The following MSRA variants were observed in gnomAD, a reference collection of about 807,000 sequenced individuals.
MSRA encodes methionine sulfoxide reductase A.
In MSRA, 54 loss-of-function variants were observed where a neutral mutation model predicts 31.3. The ratio of observed to expected loss-of-function variants is 1.73; its 90% CI spans 1.39 to 2.17. The LOEUF (loss-of-function observed/expected upper bound fraction) is 2.17, where lower values mean the gene tolerates loss of function less well. Ranked by LOEUF, MSRA falls within the 30% of genes most tolerant of loss-of-function variation. The pLI, the probability that MSRA is intolerant of heterozygous loss-of-function variation, is 0.00. For missense variants in MSRA, 507 were observed against 300.9 expected (o/e 1.69, Z -5.07); for synonymous variants, 169 against 116.5 (o/e 1.45, Z -2.90).
intron 5 of MSRA, among the ~76,000 whole-genome samples, chr8:10,386,708 C>T (rs973318434): frequency 8.5e-5 from 13 of 152,172 alleles, no homozygotes; most frequent in Admixed American, 6.5e-4. Flanking sequence ...CAGGATCACA[C>T]TTTGAAAACC....
intron 1 of MSRA, among the ~76,000 whole-genome samples, chr8:10,063,713 T>C (rs1402349767): frequency 1.3e-5 from 2 of 152,200 alleles, no homozygotes; most frequent in African/African-American, 4.8e-5. Context: ...GAAGGCGCTG[T>C]CCGTGAACCA....
intron 1 of MSRA, among the ~76,000 whole-genome samples, chr8:10,057,366 A>G (rs1011213036): frequency 6.6e-6 from 1 of 152,198 alleles, no homozygotes; most frequent in African/African-American, 2.4e-5. Context: ...GACAAGGGGA[A>G]TTCATACTTG....
At chr8:10,408,433 C>G (rs1236949252) in intron 5 of MSRA, among the ~76,000 whole-genome samples, 2 of 151,930 alleles carry the variant, frequency 1.3e-5, no homozygotes, top group African/African-American at 4.8e-5. Context: ...CCCCAGCTAC[C>G]CAAGAGGCTG....
At chr8:10,106,580 G>A (rs952730594) in intron 1 of MSRA, among the ~76,000 whole-genome samples, 4 of 152,238 alleles carry the variant, frequency 2.6e-5, no homozygotes, top group South Asian at 2.1e-4. Flanking sequence ...CACCACACAC[G>A]TTTCAGGTGA....
intron 4 of MSRA, among the ~76,000 whole-genome samples, chr8:10,310,737 G>A (rs1383858475): frequency 6.6e-6 from 1 of 152,180 alleles, no homozygotes; most frequent in Non-Finnish European, 1.5e-5. Context: ...GGTGGAATTC[G>A]GACTTCAGGG....
At chr8:10,215,536 T>C (rs1432771254) in intron 2 of MSRA, among the ~76,000 whole-genome samples, 1 of 152,164 alleles carries the variant, frequency 6.6e-6, no homozygotes, top group Admixed American at 6.5e-5. Context: ...CTCTATGGGA[T>C]CCATCACCTC....
At chr8:10,321,720 C>G (rs4840478) in intron 5 of MSRA, among the ~76,000 whole-genome samples, 2,079 of 152,204 alleles carry the variant, frequency 0.014, 57 homozygotes, top group African/African-American at 0.047. Context: ...AGCCAGTTGC[C>G]ACGTCATGAA....
chr8:10,373,117 C>T (rs1202327896), intron 5 of MSRA, among the ~76,000 whole-genome samples: 1 of 152,200 alleles, frequency 6.6e-6, no homozygotes, highest in Non-Finnish European at 1.5e-5. Context: ...TCTCAAACTC[C>T]TGACCTCAGG....
chr8:10,243,092 G>T (rs1210272206), intron 2 of MSRA, among the ~76,000 whole-genome samples: 6 of 152,190 alleles, frequency 3.9e-5, no homozygotes, highest in African/African-American at 1.4e-4. Context: ...GGGGCTATTG[G>T]AGTGGGACCA....
intron 1 of MSRA, among the ~76,000 whole-genome samples, chr8:10,100,526 G>A (rs1799464743): frequency 6.6e-6 from 1 of 152,112 alleles, no homozygotes; most frequent in African/African-American, 2.4e-5. Context: ...TGGAGTCTAG[G>A]GGGCTAGGGG....
At chr8:10,157,596 G>A (rs892796910) in intron 1 of MSRA, among the ~76,000 whole-genome samples, 1 of 151,810 alleles carries the variant, frequency 6.6e-6, no homozygotes, top group Non-Finnish European at 1.5e-5. Flanking sequence ...TTTGTAAGGG[G>A]CAATGAAAGT....
At chr8:10,367,542 C>G (rs1195170152) in intron 5 of MSRA, among the ~76,000 whole-genome samples, 3 of 152,196 alleles carry the variant, frequency 2.0e-5, no homozygotes, top group Admixed American at 1.3e-4. Flanking sequence ...AGTCACTGTA[C>G]AAGGCATGCA....
chr8:10,110,459 T>C (rs959861331), intron 1 of MSRA, among the ~76,000 whole-genome samples: 1 of 152,180 alleles, frequency 6.6e-6, no homozygotes, highest in Non-Finnish European at 1.5e-5. Flanking sequence ...TGGCTGGAAG[T>C]GGGGTGCATG....
intron 4 of MSRA, among the ~76,000 whole-genome samples, chr8:10,317,637 A>G (rs989043687): frequency 6.6e-6 from 1 of 152,220 alleles, no homozygotes; most frequent in Non-Finnish European, 1.5e-5. Flanking sequence ...CATTTTAAGC[A>G]CAAGGTGTTG....
In MSRA at chr8:10,093,568, G is replaced by A. The variant is rs185332372; in HGVS notation, c.142+38910G>A. Among the ~76,000 whole-genome samples the A allele has an allele frequency of 2.2e-4, 34 of 151,938 alleles. No individual in the cohort carries two copies. The East Asian group carries it at 6.0e-3, about 27-fold the overall frequency. The stretch of plus-strand genomic sequence containing the variant: ...TTCTATGCTTTTGTCATTTACATCA[G>A]ATAGAAAAAAGAGTACATTTATCCC... On this transcript the variant is annotated intron_variant, in intron 1 of 5. Coordinates refer to ENST00000317173, the MANE Select transcript of MSRA (RefSeq NM_012331.5).
intron 1 of MSRA, among the ~76,000 whole-genome samples, chr8:10,146,591 T>G (rs1483170627): frequency 6.6e-6 from 1 of 152,150 alleles, no homozygotes; most frequent in Non-Finnish European, 1.5e-5. Flanking sequence ...GACAGTGTTC[T>G]GAAATGGAAT....
At chr8:10,074,911 G>A (rs769948086) in intron 1 of MSRA, among the ~76,000 whole-genome samples, 2 of 151,990 alleles carry the variant, frequency 1.3e-5, no homozygotes, top group South Asian at 2.1e-4. Flanking sequence ...TGCCTGTCTC[G>A]GCCTCCCGAA....
chr8:10,163,572 C>G (rs951184038), intron 1 of MSRA, among the ~76,000 whole-genome samples: 5 of 152,216 alleles, frequency 3.3e-5, no homozygotes, highest in African/African-American at 9.7e-5. Context: ...TTCTGCCCCA[C>G]GCTGGAAAGT....
chr8:10,144,564 A>G (rs1802977483), intron 1 of MSRA, among the ~76,000 whole-genome samples: 1 of 152,170 alleles, frequency 6.6e-6, no homozygotes, highest in South Asian at 2.1e-4. Context: ...AGATTATCCA[A>G]ATACCAGTAA....
Sources: gnomAD v4.1 joint callset for allele counts (sites outside exome capture counted in the v4.1 genomes callset) on GRCh38, gnomAD v4.1.1 for gene constraint, MANE v1.5 for transcripts, NCBI Gene and HGNC (gene_info 2026-07-23, HGNC 2026-07-21) for gene names.